CMC2: variants seen among roughly 807,000 people sequenced by gnomAD.
The protein encoded by CMC2 is C-X9-C motif containing 2, also known as COX assembly mitochondrial protein 2 homolog.
Under a neutral mutation model 7.5 loss-of-function variants are expected in CMC2, and 5 were observed. The observed-to-expected ratio is 0.66, with a 90% confidence interval of 0.35 to 1.40. CMC2 has a LOEUF of 1.40. CMC2 is among the 40% of genes most tolerant of loss of function. The pLI, the probability that CMC2 is intolerant of heterozygous loss-of-function variation, is 0.04. For missense variants in CMC2, 115 were observed against 92.3 expected, an observed-to-expected ratio of 1.25 and a Z score of -1.01; for synonymous variants, 37 against 31.4, an observed-to-expected ratio of 1.18 and a Z score of -0.60.
intron 1 of CMC2, among the ~76,000 whole-genome samples, chr16:81,006,145 G>C (rs1969309200): frequency 1.3e-5 from 2 of 151,970 alleles, no homozygotes; most frequent in South Asian, 2.1e-4. Flanking sequence ...TAAAACGCCT[G>C]ATCTTTAAAC....
intron 2 of CMC2, among the ~76,000 whole-genome samples, chr16:80,994,289 G>A (rs912535346): frequency 6.0e-5 from 9 of 151,018 alleles, no homozygotes; most frequent in African/African-American, 2.2e-4. Context: ...TAATACGATA[G>A]AACTAAAAGA....
rs146816231 is a variant in CMC2 at position 80,985,532 on chromosome 16, T to G, written c.82-3655A>C. On this transcript the variant is annotated intron_variant, in intron 2 of 3. Coordinates refer to ENST00000219400, the MANE Select transcript of CMC2 (RefSeq NM_020188.5). ...ATTTATCATTGTAATTTTAAAATAA[T>G]TTTTTCTTCATTTCTCAGCCTTCAT... Among the ~76,000 whole-genome samples, 313 of 152,318 alleles carry G rather than the reference T, an allele frequency of 2.1e-3. 2 individuals carry two copies. The highest frequency in any genetic ancestry group is 7.3e-3 in the African/African-American group (303 of 41,576).
At chr16:81,005,569 T>C (rs1176396140) in intron 1 of CMC2, among the ~76,000 whole-genome samples, 1 of 152,058 alleles carries the variant, frequency 6.6e-6, no homozygotes, top group African/African-American at 2.4e-5. Context: ...CGGCCTCCCC[T>C]GCCCACTTCC....
chr16:80,990,178 T>C (rs1967863719), intron 2 of CMC2, among the ~76,000 whole-genome samples: 1 of 152,106 alleles, frequency 6.6e-6, no homozygotes, highest in South Asian at 2.1e-4. Context: ...AATTTTTTTC[T>C]GTTGTTTTTT....
intron 2 of CMC2, among the ~76,000 whole-genome samples, chr16:80,989,813 G>C (rs940165717): frequency 4.6e-5 from 7 of 152,200 alleles, no homozygotes; most frequent in African/African-American, 1.7e-4. Flanking sequence ...ATTTATGACA[G>C]TAAGAAACCT....
chr16:80,985,792 A>T (rs1334745576), intron 2 of CMC2, among the ~76,000 whole-genome samples: 1 of 151,694 alleles, frequency 6.6e-6, no homozygotes, highest in African/African-American at 2.4e-5. Context: ...CTGAAGGATG[A>T]TAAGACCTGG....
In CMC2 at chr16:80,975,863, G is replaced by A. The variant is rs571101090; in HGVS notation, c.*230C>T. The A allele has an allele frequency of 2.6e-6, 1 of 391,120 alleles. No homozygotes were observed. The highest frequency in any genetic ancestry group is 4.1e-5 in the Admixed American group (1 of 24,368). 24.2% of individuals were successfully genotyped at this position (391,120 alleles called of 1,614,324 possible). On this transcript the variant is annotated 3_prime_UTR_variant, in exon 4 of 4. Transcript: ENST00000219400. ...CAGATATTAACTGGTTGTAGGCAAA[G>A]GGAATAAACATGGTGAAGTCAGGTT...
intron 3 of CMC2, chr16:80,978,309 G>A (rs1427062188): frequency 1.6e-6 from 2 of 1,247,458 alleles, no homozygotes; most frequent in Non-Finnish European, 1.0e-6. Flanking sequence ...AAACTCTTCA[G>A]AAGATAATAC....
At chr16:80,993,592 A>G (rs953165322) in intron 2 of CMC2, among the ~76,000 whole-genome samples, 62 of 152,350 alleles carry the variant, frequency 4.1e-4, no homozygotes, top group African/African-American at 1.4e-3. Flanking sequence ...GAGCTCACAC[A>G]GGGCTGGGAG....
chr16:80,991,825 G>A (rs1968016819), intron 2 of CMC2: 2 of 407,620 alleles, frequency 4.9e-6, no homozygotes, highest in Admixed American at 2.9e-5. Context: ...TTCAAACAGA[G>A]GAGCATTCTA....
intron 3 of CMC2, among the ~76,000 whole-genome samples, chr16:80,978,905 C>A (rs1966881176): frequency 6.6e-6 from 1 of 151,914 alleles, no homozygotes; most frequent in Admixed American, 6.6e-5. Context: ...CACGGTGAAG[C>A]CCCGTCTCTA....
chr16:80,980,735 T>C (rs913635338), intron 3 of CMC2: 11 of 656,848 alleles, frequency 1.7e-5, no homozygotes, highest in Non-Finnish European at 3.0e-5. Context: ...TACAAAAAAA[T>C]GTGTAAAACC....
chr16:80,982,242 A>G (rs976089828), intron 2 of CMC2: 1 of 158,942 alleles, frequency 6.3e-6, no homozygotes, highest in Non-Finnish European at 1.4e-5. Flanking sequence ...GGTAGCTCAC[A>G]ACTGTAAATT....
rs1597200007 is a variant in CMC2, at chr16:80,968,984, A to C, written c.*7109T>G. ...TCTAAGAAAACATTAACTAGAAAAC[A>C]TAACACTTGCCAGCATAGGGAGGTA... On this transcript the variant is annotated 3_prime_UTR_variant, in exon 4 of 4. Transcript: ENST00000219400. The C allele has an allele frequency of 6.6e-6, 1 of 152,344 alleles. No individual in the cohort carries two copies. Among genetic ancestry groups the C allele is most frequent in the South Asian group, 2.1e-4 (1 of 4,824 alleles). The allele number at this position is 152,344 out of a possible 1,614,324, so 9.4% of individuals were successfully genotyped here. A position where few individuals can be genotyped will look rare whatever the true frequency, so the allele number is the denominator to read the frequency against.
chr16:80,969,339 G>C lies in CMC2; in HGVS notation c.*6754C>G, dbSNP rs897460503. The C allele has an allele frequency of 6.6e-6, 1 of 152,398 alleles. No individual in the cohort carries two copies. The allele number at this position is 152,398 out of a possible 1,614,324, so 9.4% of individuals were successfully genotyped here. ...GGCACAAGGTACCTGAACCAACTAA[G>C]GACCGAAGAACCCAAAACAACAGAT... On this transcript the variant is annotated 3_prime_UTR_variant, in exon 4 of 4. Coordinates refer to ENST00000219400, the MANE Select transcript of CMC2 (RefSeq NM_020188.5).
chr16:80,976,498 T>C (rs535576001), intron 3 of CMC2, among the ~76,000 whole-genome samples: 1 of 152,350 alleles, frequency 6.6e-6, no homozygotes, highest in African/African-American at 2.4e-5. Context: ...GTACTGAAGA[T>C]GGGCAAATTC....
At chr16:80,999,994 G>A (rs2602440) in intron 1 of CMC2, among the ~76,000 whole-genome samples, 95,770 of 151,926 alleles carry the variant, frequency 0.63, 31,700 homozygotes, top group South Asian at 0.79. Flanking sequence ...ACCTTCGGAA[G>A]AGAATTAGGA....
At chr16:80,985,894 A>G (rs1967482086) in intron 2 of CMC2, among the ~76,000 whole-genome samples, 1 of 82,362 alleles carries the variant, frequency 1.2e-5, no homozygotes, top group Admixed American at 1.6e-4. Flanking sequence ...ATTCTCCCAT[A>G]TACCTGCAAA....
chr16:80,987,695 A>G (rs534132124), intron 2 of CMC2, among the ~76,000 whole-genome samples: 1 of 152,322 alleles, frequency 6.6e-6, no homozygotes, highest in Non-Finnish European at 1.5e-5. Flanking sequence ...ATAAAAGCAC[A>G]GCAAGGTAGG....
Sources: gnomAD v4.1 joint callset for allele counts (sites outside exome capture counted in the v4.1 genomes callset) on GRCh38, gnomAD v4.1.1 for gene constraint, MANE v1.5 for transcripts, NCBI Gene and HGNC (gene_info 2026-07-23, HGNC 2026-07-21) for gene names.